RBFOX1: variants seen among roughly 807,000 people sequenced by gnomAD.
The protein encoded by RBFOX1 is RNA binding fox-1 homolog 1.
A neutral mutation model predicts 57.7 loss-of-function variants in RBFOX1; 8 were observed. That is an observed-to-expected ratio of 0.14 (90% CI 0.08 to 0.25). RBFOX1 has a LOEUF of 0.25. Ranked by LOEUF, RBFOX1 falls within the 10% of genes least tolerant of loss-of-function variation. RBFOX1 has a pLI of 1.00. For synonymous variants in RBFOX1, 326 were observed against 222.4 expected, an observed-to-expected ratio of 1.47 and a Z score of -4.15; for missense variants, 611 against 548.5, an observed-to-expected ratio of 1.11 and a Z score of -1.14.
At chr16:6,931,128 T>C (rs990796828) in intron 3 of RBFOX1, among the ~76,000 whole-genome samples, 2 of 152,150 alleles carry the variant, frequency 1.3e-5, no homozygotes, top group African/African-American at 4.8e-5. Flanking sequence ...ATAAAGGTTG[T>C]AGTTTTAAGA....
chr16:7,132,279 C>G (rs886789113), intron 4 of RBFOX1, among the ~76,000 whole-genome samples: 1 of 152,010 alleles, frequency 6.6e-6, no homozygotes, highest in Non-Finnish European at 1.5e-5. Flanking sequence ...CCCTGTCCGG[C>G]CAGAGTCCAA....
intron 10 of RBFOX1, among the ~76,000 whole-genome samples, chr16:7,627,931 C>G (rs574723562): frequency 7.2e-4 from 106 of 147,808 alleles, no homozygotes; most frequent in South Asian, 4.7e-3. Context: ...TTTTTTTTAA[C>G]TACGAAGAAA....
chr16:7,387,330 C>G (rs1047127635), intron 4 of RBFOX1, among the ~76,000 whole-genome samples: 5 of 152,078 alleles, frequency 3.3e-5, no homozygotes, highest in African/African-American at 1.2e-4. Flanking sequence ...AAAACTGAGA[C>G]CCAGGTATTT....
chr16:7,315,287 G>A (rs1255727381), intron 4 of RBFOX1, among the ~76,000 whole-genome samples: 2 of 151,988 alleles, frequency 1.3e-5, no homozygotes, highest in Non-Finnish European at 1.5e-5. Context: ...CCAGTCAACA[G>A]TAATATTTTT....
At chr16:5,863,199 T>C (rs974384505) in intron 3 of RBFOX1, among the ~76,000 whole-genome samples, 3 of 152,162 alleles carry the variant, frequency 2.0e-5, no homozygotes, top group Non-Finnish European at 4.4e-5. Context: ...AATGTCGGCC[T>C]TTGCGATTTC....
chr16:6,787,036 A>T (rs1443645049), intron 3 of RBFOX1, among the ~76,000 whole-genome samples: 2 of 152,194 alleles, frequency 1.3e-5, no homozygotes. Context: ...AATGTCAGAA[A>T]TACATTAGTT....
intron 3 of RBFOX1, among the ~76,000 whole-genome samples, chr16:5,752,802 A>C (rs891359347): frequency 6.6e-6 from 1 of 152,314 alleles, no homozygotes; most frequent in East Asian, 1.9e-4. Context: ...AATTTCTGCA[A>C]CTTTGAGGCA....
chr16:6,734,876 AC>A (rs1270938297), intron 3 of RBFOX1, among the ~76,000 whole-genome samples: 2 of 152,202 alleles, frequency 1.3e-5, no homozygotes, highest in Admixed American at 1.3e-4. Flanking sequence ...ATAGTTCTTG[AC>A]GCCTAGTAAA....
intron 3 of RBFOX1, among the ~76,000 whole-genome samples, chr16:7,000,906 C>T (rs938917751): frequency 6.6e-6 from 1 of 152,054 alleles, no homozygotes; most frequent in Non-Finnish European, 1.5e-5. Context: ...CTGGGAAACA[C>T]ATAATAAATT....
chr16:6,218,543 C>G (rs12925523), intron 1 of RBFOX1, among the ~76,000 whole-genome samples: 1 of 152,100 alleles, frequency 6.6e-6, no homozygotes, highest in Middle Eastern at 3.4e-3. Flanking sequence ...CTCCTGGCCT[C>G]AAGTGATCCT....
At chr16:5,377,983 G>C (rs760725317) in intron 1 of RBFOX1, among the ~76,000 whole-genome samples, 2 of 151,270 alleles carry the variant, frequency 1.3e-5, no homozygotes, top group Non-Finnish European at 2.9e-5. Context: ...TTTTTTAAAG[G>C]CTCCTTTTAA....
At chr16:7,399,298 T>G (rs1354870326) in intron 4 of RBFOX1, among the ~76,000 whole-genome samples, 1 of 148,636 alleles carries the variant, frequency 6.7e-6, no homozygotes, top group African/African-American at 2.6e-5. Context: ...AAATACAAAA[T>G]TAGCCAAGTG....
chr16:6,518,250 T>G (rs1487018777), intron 2 of RBFOX1, among the ~76,000 whole-genome samples: 2 of 152,138 alleles, frequency 1.3e-5, no homozygotes, highest in Non-Finnish European at 2.9e-5. Context: ...CCATGTACCA[T>G]TTAAGAAACA....
At chr16:5,341,441 G>A (rs1372651404) in intron 1 of RBFOX1, among the ~76,000 whole-genome samples, 2 of 152,048 alleles carry the variant, frequency 1.3e-5, no homozygotes, top group African/African-American at 2.4e-5. Flanking sequence ...TAATGGAGTT[G>A]GAAAAAAGTG....
chr16:6,900,053 A>G (rs2068063075), intron 3 of RBFOX1, among the ~76,000 whole-genome samples: 1 of 152,210 alleles, frequency 6.6e-6, no homozygotes. Flanking sequence ...TGTCGGGAGG[A>G]TTAAATGAGT....
At chr16:5,434,774 C>G (rs1003423115) in intron 1 of RBFOX1, among the ~76,000 whole-genome samples, 3 of 152,200 alleles carry the variant, frequency 2.0e-5, no homozygotes, top group African/African-American at 7.2e-5. Flanking sequence ...TGGCTATACC[C>G]TGACTTTGCA....
chr16:6,477,033 C>T (rs1161344193), intron 2 of RBFOX1, among the ~76,000 whole-genome samples: 1 of 152,144 alleles, frequency 6.6e-6, no homozygotes, highest in East Asian at 1.9e-4. Context: ...ATGTAGTTGC[C>T]TCTTCAGGCT....
intron 4 of RBFOX1, among the ~76,000 whole-genome samples, chr16:7,219,805 T>C (rs2092581890): frequency 6.6e-6 from 1 of 152,218 alleles, no homozygotes; most frequent in South Asian, 2.1e-4. Flanking sequence ...ATGTTTGTGA[T>C]ATGAAAGCAT....
chr16:7,134,717 T>C (rs189627875), intron 4 of RBFOX1, among the ~76,000 whole-genome samples: 186 of 152,300 alleles, frequency 1.2e-3, no homozygotes, highest in Middle Eastern at 6.8e-3. Flanking sequence ...ACTACTTTTG[T>C]TGTGTTGTAG....
Sources: allele counts gnomAD v4.1 joint callset (sites outside exome capture counted in the v4.1 genomes callset), GRCh38; gene constraint gnomAD v4.1.1; transcripts MANE v1.5; gene names NCBI Gene and HGNC (gene_info 2026-07-23, HGNC 2026-07-21).